The following PPP3R1 variants were observed in gnomAD, a reference collection of about 807,000 sequenced individuals.
PPP3R1 encodes the protein protein phosphatase 3 regulatory subunit B, alpha, also known as calcineurin subunit B type 1.
In PPP3R1, 5 loss-of-function variants were observed where a neutral mutation model predicts 22.6. That is an observed-to-expected ratio of 0.22 (90% CI 0.12 to 0.46). PPP3R1 has a LOEUF of 0.46. Among genes scored for constraint, PPP3R1 ranks in the 20% least tolerant of loss-of-function variants. The pLI is 0.99. For missense variants in PPP3R1, 61 were observed against 203.2 expected (o/e 0.30, Z 4.25); for synonymous variants, 56 against 65.2 (o/e 0.86, Z 0.68).
rs140455805 is a variant in PPP3R1 at position 68,228,976 on chromosome 2, T to G, written c.4-11845A>C. Among the ~76,000 whole-genome samples, 44 of 152,220 alleles carry G rather than the reference T, an allele frequency of 2.9e-4. 1 individual carries two copies. Among genetic ancestry groups the G allele is most frequent in the Admixed American group, 7.2e-4 (11 of 15,284 alleles). On this transcript the variant is annotated intron_variant, in intron 1 of 5. Transcript: ENST00000234310. ...GATTTCTAGTTTGATTCCACTTTGG[T>G]AGGAGAACACATTCTTTGATTTCAA...
At chr2:68,248,518 T>C (rs72896453) in intron 1 of PPP3R1, among the ~76,000 whole-genome samples, 24 of 152,328 alleles carry the variant, frequency 1.6e-4, no homozygotes, top group African/African-American at 5.3e-4. Flanking sequence ...GTTCAGCCTA[T>C]ATCACAATTA....
intron 2 of PPP3R1, among the ~76,000 whole-genome samples, chr2:68,205,058 C>T (rs933470393): frequency 6.6e-6 from 1 of 151,876 alleles, no homozygotes; most frequent in African/African-American, 2.4e-5. Flanking sequence ...TTAAAAAGCC[C>T]CAACTTTTCA....
At chr2:68,226,432 C>G (rs1669781442) in intron 1 of PPP3R1, among the ~76,000 whole-genome samples, 1 of 152,144 alleles carries the variant, frequency 6.6e-6, no homozygotes, top group South Asian at 2.1e-4. Context: ...TAGAAACAAT[C>G]TCATCACTTT....
chr2:68,209,455 TATTAAAAAAAA>T (rs1301560042), intron 2 of PPP3R1, among the ~76,000 whole-genome samples: 3 of 147,854 alleles, frequency 2.0e-5, no homozygotes, highest in Non-Finnish European at 4.5e-5. Context: ...GGTCAACTGC[TATTAAAAAAAA>T]ATAAAGGCCA....
At chr2:68,185,650 G>GT (rs1304143817) in intron 5 of PPP3R1, among the ~76,000 whole-genome samples, 2 of 151,790 alleles carry the variant, frequency 1.3e-5, no homozygotes, top group Non-Finnish European at 2.9e-5. Context: ...AACCAGCCTG[G>GT]TCTCATGTCA....
chr2:68,241,843 CAA>C (rs35587118), intron 1 of PPP3R1, among the ~76,000 whole-genome samples: 88 of 92,652 alleles, frequency 9.5e-4, no homozygotes, highest in East Asian at 5.0e-3. Flanking sequence ...GACTCCATCT[CAA>C]AAAAAAAAAA....
chr2:68,246,463 C>A (rs1670238805), intron 1 of PPP3R1, among the ~76,000 whole-genome samples: 1 of 152,094 alleles, frequency 6.6e-6, no homozygotes, highest in African/African-American at 2.4e-5. Context: ...CTTTAAAAAG[C>A]AATCTAAATT....
intron 1 of PPP3R1, among the ~76,000 whole-genome samples, chr2:68,251,704 T>A (rs1670360313): frequency 1.3e-5 from 2 of 152,032 alleles, no homozygotes; most frequent in Non-Finnish European, 2.9e-5. Context: ...TTCCAAAGGA[T>A]TTCAGAATAC....
At chr2:68,187,836 T>A (rs1023296366) in intron 3 of PPP3R1, among the ~76,000 whole-genome samples, 1 of 150,466 alleles carries the variant, frequency 6.6e-6, no homozygotes, top group East Asian at 1.9e-4. Context: ...TATTGACAAA[T>A]CCCTTGTGAA....
intron 2 of PPP3R1, among the ~76,000 whole-genome samples, chr2:68,190,255 T>G (rs6707104): frequency 4.0e-5 from 1 of 25,118 alleles, no homozygotes; most frequent in African/African-American, 1.3e-4. Context: ...AAGTTTCTCT[T>G]AAAAAAAAAA....
rs71395958 is a variant in PPP3R1 at position 68,202,792 on chromosome 2, ATTTTTTTTTTTT to A, written c.44-14114_44-14103del. Among the ~76,000 whole-genome samples, 6 of 81,214 alleles carry A rather than the reference ATTTTTTTTTTTT, an allele frequency of 7.4e-5. No individual in the cohort carries two copies. The South Asian group carries it at 1.3e-3, about 18-fold the overall frequency. 53.3% of individuals were successfully genotyped at this position (81,214 alleles called of 152,430 possible). A position where few individuals can be genotyped will look rare whatever the true frequency, so the allele number is the denominator to read the frequency against. ...TAATATATACTAGAGAGTTCAGGGA[ATTTTTTTTTTTT>A]TTTTTTTTTTTTTTTTGAGACGGAG... On this transcript the variant is annotated intron_variant, in intron 2 of 5. Coordinates refer to ENST00000234310, the MANE Select transcript of PPP3R1 (RefSeq NM_000945.4).
chr2:68,223,819 A>C (rs962591930), intron 1 of PPP3R1, among the ~76,000 whole-genome samples: 2 of 152,154 alleles, frequency 1.3e-5, no homozygotes, highest in South Asian at 2.1e-4. Context: ...AAAAAAAAAA[A>C]AACAAAAGGT....
intron 1 of PPP3R1, among the ~76,000 whole-genome samples, chr2:68,250,181 G>A (rs1424952016): frequency 1.3e-5 from 2 of 151,884 alleles, no homozygotes; most frequent in African/African-American, 2.4e-5. Context: ...GTTGAATTAG[G>A]AAATAAATAC....
At chr2:68,214,658 G>A (rs1669544835) in intron 2 of PPP3R1, among the ~76,000 whole-genome samples, 1 of 152,134 alleles carries the variant, frequency 6.6e-6, no homozygotes, top group African/African-American at 2.4e-5. Context: ...GCAGAGAAAA[G>A]GGAACGCTTA....
chr2:68,202,703 G>A (rs927959415), intron 2 of PPP3R1, among the ~76,000 whole-genome samples: 2 of 151,588 alleles, frequency 1.3e-5, no homozygotes, highest in Non-Finnish European at 2.9e-5. Context: ...GGGATTACAG[G>A]TGTAAGCCAC....
At chr2:68,207,221 TAAA>T (rs11317544) in intron 2 of PPP3R1, among the ~76,000 whole-genome samples, 3 of 132,682 alleles carry the variant, frequency 2.3e-5, no homozygotes, top group African/African-American at 5.3e-5. Context: ...GAAAATATGA[TAAA>T]AAAAAAAAAA....
chr2:68,246,002 T>C (rs1670229176), intron 1 of PPP3R1, among the ~76,000 whole-genome samples: 1 of 151,910 alleles, frequency 6.6e-6, no homozygotes, highest in Non-Finnish European at 1.5e-5. Flanking sequence ...CTGTCTTTTC[T>C]CTTTGAAAAG....
chr2:68,219,786 T>C (rs906293129), intron 1 of PPP3R1, among the ~76,000 whole-genome samples: 7 of 152,126 alleles, frequency 4.6e-5, no homozygotes, highest in Admixed American at 2.0e-4. Flanking sequence ...TAAAATTATA[T>C]CTAAATATGA....
intron 2 of PPP3R1, among the ~76,000 whole-genome samples, chr2:68,208,146 T>C (rs755429207): frequency 2.6e-5 from 4 of 152,026 alleles, no homozygotes; most frequent in Non-Finnish European, 4.4e-5. Context: ...AGAGCAAAAC[T>C]GCTGTCTCAA....
Sources: gnomAD v4.1 joint callset for allele counts (sites outside exome capture counted in the v4.1 genomes callset) on GRCh38, gnomAD v4.1.1 for gene constraint, MANE v1.5 for transcripts, NCBI Gene and HGNC (gene_info 2026-07-23, HGNC 2026-07-21) for gene names.